The following CD244 variants were observed in gnomAD, a reference collection of about 807,000 sequenced individuals.
CD244 encodes natural killer cell receptor 2B4.
In CD244, 20 loss-of-function variants were observed where a neutral mutation model predicts 45.5. The ratio of observed to expected loss-of-function variants is 0.44; its 90% CI spans 0.31 to 0.64. The LOEUF (loss-of-function observed/expected upper bound fraction) is 0.64, where lower values mean the gene tolerates loss of function less well. Ranked by LOEUF, CD244 falls within the 30% of genes least tolerant of loss-of-function variation. The pLI, the probability that CD244 is intolerant of heterozygous loss-of-function variation, is 0.08. For synonymous variants in CD244, 185 were observed against 160.5 expected (o/e 1.15, Z -1.15); for missense variants, 407 against 426.9 (o/e 0.95, Z 0.41).
At chr1:160,843,309 T>A (rs747274715) in intron 1 of CD244, among the ~76,000 whole-genome samples, 3 of 152,236 alleles carry the variant, frequency 2.0e-5, no homozygotes, top group Non-Finnish European at 4.4e-5. Context: ...GACTGTGCTG[T>A]GCATCTCTGT....
rs1314722785 is a variant in CD244 at position 160,836,228 on chromosome 1, C to T, written c.861G>A (p.Gly287=). Residue 287 remains glycine, a synonymous_variant, in exon 6 of 9, where the codon GGG becomes GGA. Coordinates refer to ENST00000368034, the MANE Select transcript of CD244 (RefSeq NM_016382.4). ...GGATCATAGAGTAGATGGTGCTCCCCCCTCCAGGAAAAGTCTGCTCCTGCT... is the reference window on the plus strand; with the variant it reads ...GGATCATAGAGTAGATGGTGCTCCCTCCTCCAGGAAAAGTCTGCTCCTGCT... ...NHEQEQTFPG[G]GSTIYSMIQS... 2 of 1,613,800 alleles carry T rather than the reference C, an allele frequency of 1.2e-6. No homozygotes were observed. The highest frequency in any genetic ancestry group is 2.7e-5 in the African/African-American group (2 of 74,920).
At chr1:160,856,034 T>C (rs1670094826) in intron 1 of CD244, among the ~76,000 whole-genome samples, 1 of 152,154 alleles carries the variant, frequency 6.6e-6, no homozygotes, top group Admixed American at 6.6e-5. Flanking sequence ...AAGTGGAATT[T>C]CCACCAGCCA....
chr1:160,848,309 G>C (rs1306256555), intron 1 of CD244: 2 of 592,512 alleles, frequency 3.4e-6, no homozygotes, highest in Admixed American at 1.9e-5. Context: ...CTTGTCCATG[G>C]CAAATGCTGG....
At chr1:160,842,731 C>T (rs1006905984) in intron 1 of CD244, among the ~76,000 whole-genome samples, 1 of 152,084 alleles carries the variant, frequency 6.6e-6, no homozygotes, top group Admixed American at 6.5e-5. Flanking sequence ...AAAATTTCTC[C>T]CTAGAAAACA....
intron 1 of CD244, among the ~76,000 whole-genome samples, chr1:160,844,806 C>A (rs1669673831): frequency 6.6e-6 from 1 of 152,038 alleles, no homozygotes; most frequent in African/African-American, 2.4e-5. Flanking sequence ...AAAACCTCGT[C>A]TCTACTAACG....
rs1047413568 is a variant in CD244, at chr1:160,860,522, G to A, written c.61+2095C>T. ...GGAAAGCATATTTGATGGTATTAAT[G>A]TTAAATTTACTGAATTTGACAATTG... On this transcript the variant is annotated intron_variant, in intron 1 of 8. Coordinates refer to ENST00000368034, the MANE Select transcript of CD244 (RefSeq NM_016382.4). Among the ~76,000 whole-genome samples, 9 of 152,204 alleles carry A rather than the reference G, an allele frequency of 5.9e-5. No individual in the cohort carries two copies. The South Asian group carries it at 8.3e-4, about 14-fold the overall frequency.
At chr1:160,841,516 T>C in intron 2 of CD244, 31 bp from the exon 3 acceptor site, 3 of 1,613,350 alleles carry the variant, frequency 1.9e-6, no homozygotes, top group Non-Finnish European at 2.5e-6. Context: ...CAGAAAGGCA[T>C]TGGAAATACA....
chr1:160,839,141 C>T (rs1669445823), intron 3 of CD244, 92 bp from the exon 4 acceptor site: 1 of 841,710 alleles, frequency 1.2e-6, no homozygotes, highest in Non-Finnish European at 1.9e-6. Context: ...TCAAAACCCA[C>T]TTTTCTCTGT....
intron 1 of CD244, chr1:160,848,420 A>G (rs1669809366): frequency 1.8e-6 from 1 of 553,724 alleles, no homozygotes; most frequent in South Asian, 1.4e-5. Flanking sequence ...GGGCATGAAT[A>G]TTGCAGACAG....
chr1:160,832,870 G>GTGTATATATATA (rs1336342075), intron 7 of CD244, among the ~76,000 whole-genome samples: 2 of 117,852 alleles, frequency 1.7e-5, no homozygotes, highest in Non-Finnish European at 3.9e-5. Context: ...GTGTGTGTGT[G>GTGTATATATATA]TATATATATA....
chr1:160,841,543 A>G, intron 2 of CD244, 41 bp downstream of exon 2: 1 of 1,611,936 alleles, frequency 6.2e-7, no homozygotes, highest in Middle Eastern at 1.7e-4. Context: ...AGAGGCCTAT[A>G]GGAATCAGAG....
In CD244 at chr1:160,831,332, G is replaced by T. The variant is rs1274466005; in HGVS notation, c.*15C>A. On this transcript the variant is annotated 3_prime_UTR_variant, in exon 9 of 9. Coordinates refer to ENST00000368034, the MANE Select transcript of CD244 (RefSeq NM_016382.4). ...AGATGCTGATGTGCAAGAAAGGTGA[G>T]AATTGCTGCAGCAACTAGGAATAAA... 1.9e-6 allele frequency: 3 copies of T among 1,605,238 alleles called. No individual in the cohort carries two copies. Among genetic ancestry groups the T allele is most frequent in the Non-Finnish European group, 2.6e-6 (3 of 1,172,048 alleles).
At chr1:160,856,562 T>G in intron 1 of CD244, among the ~76,000 whole-genome samples, 1 of 152,338 alleles carries the variant, frequency 6.6e-6, no homozygotes. Context: ...GGAATCTTCA[T>G]CTTCTTAGCT....
chr1:160,854,164 A>T (rs1670022106), intron 1 of CD244, among the ~76,000 whole-genome samples: 1 of 152,318 alleles, frequency 6.6e-6, no homozygotes, highest in Non-Finnish European at 1.5e-5. Context: ...TGGTGGTTTC[A>T]CTTTATTTTT....
intron 3 of CD244, among the ~76,000 whole-genome samples, chr1:160,840,629 T>C (rs559481494): frequency 6.6e-6 from 1 of 152,314 alleles, no homozygotes; most frequent in East Asian, 1.9e-4. Flanking sequence ...AAGTTCCTTA[T>C]GAATGAGAGC....
chr1:160,842,871 G>T (rs1433073329), intron 1 of CD244, among the ~76,000 whole-genome samples: 2 of 152,138 alleles, frequency 1.3e-5, no homozygotes, highest in African/African-American at 4.8e-5. Flanking sequence ...TACAAAACTG[G>T]AAGTTCCTAC....
At chr1:160,860,118 A>T (rs759907375) in intron 1 of CD244, among the ~76,000 whole-genome samples, 6 of 152,154 alleles carry the variant, frequency 3.9e-5, no homozygotes, top group Admixed American at 6.5e-5. Context: ...GAGGCAGGAC[A>T]ATCACTTGAA....
chr1:160,832,895 C>CATATAT (rs1669182387), intron 7 of CD244, among the ~76,000 whole-genome samples: 3 of 88,082 alleles, frequency 3.4e-5, no homozygotes, highest in African/African-American at 9.6e-5. Flanking sequence ...TATACACACA[C>CATATAT]ACATATATAT....
At chr1:160,854,176 T>C (rs1327799739) in intron 1 of CD244, among the ~76,000 whole-genome samples, 1 of 152,216 alleles carries the variant, frequency 6.6e-6, no homozygotes, top group African/African-American at 2.4e-5. Context: ...TTTATTTTTA[T>C]CTTTTATAAA....
Sources: allele counts gnomAD v4.1 joint callset (sites outside exome capture counted in the v4.1 genomes callset), GRCh38; gene constraint gnomAD v4.1.1; transcripts MANE v1.5; gene names NCBI Gene and HGNC (gene_info 2026-07-23, HGNC 2026-07-21).